Variants in ANGPTL5 observed in about 807,000 individuals in gnomAD.
ANGPTL5 encodes angiopoietin-related protein 5.
In ANGPTL5, 34 loss-of-function variants were observed where a neutral mutation model predicts 39.4. The ratio of observed to expected loss-of-function variants is 0.86; its 90% confidence interval spans 0.66 to 1.15. ANGPTL5 has a LOEUF of 1.15. Ranked by LOEUF, ANGPTL5 falls within the 50% of genes most tolerant of loss-of-function variation. The probability of loss-of-function intolerance (pLI) is 0.00; values close to 1 mark genes in which losing one functional copy is unlikely to be tolerated. For missense variants in ANGPTL5, 467 were observed against 457.5 expected, an observed-to-expected ratio of 1.02 and a Z score of -0.19; for synonymous variants, 146 against 152.1, an observed-to-expected ratio of 0.96 and a Z score of 0.29.
chr11:101,912,311 C>T (rs1940103920), intron 1 of ANGPTL5, among the ~76,000 whole-genome samples: 1 of 152,204 alleles, frequency 6.6e-6, no homozygotes, highest in South Asian at 2.1e-4. Context: ...GGGTAACATT[C>T]TTCTTTACTG....
intron 2 of ANGPTL5, 129 bp downstream of exon 2, chr11:101,907,684 TC>T: frequency 1.5e-6 from 1 of 681,172 alleles, no homozygotes; most frequent in Non-Finnish European, 2.5e-6. Context: ...TTTCAACATT[TC>T]TAAATACATG....
intron 6 of ANGPTL5, among the ~76,000 whole-genome samples, chr11:101,901,015 CTTTT>C (rs34425298): frequency 1.1e-4 from 11 of 98,658 alleles, no homozygotes; most frequent in East Asian, 3.0e-4. Context: ...GCACCCCCGG[CTTTT>C]TTTTTTTTTT....
At chr11:101,894,795 C>A in intron 8 of ANGPTL5, 84 bp downstream of exon 8, 1 of 1,283,820 alleles carries the variant, frequency 7.8e-7, no homozygotes, top group Admixed American at 1.8e-5. Context: ...TATACAAAGA[C>A]AAATGCATTA....
At chr11:101,900,132 C>T (rs988632011) in intron 7 of ANGPTL5, among the ~76,000 whole-genome samples, 2 of 152,070 alleles carry the variant, frequency 1.3e-5, no homozygotes, top group South Asian at 2.1e-4. Flanking sequence ...TTCTGCAAAC[C>T]GTTGGTGAGC....
At chr11:101,894,799 T>G in intron 8 of ANGPTL5, 80 bp downstream of exon 8, 1 of 1,288,404 alleles carries the variant, frequency 7.8e-7, no homozygotes, top group Non-Finnish European at 1.1e-6. Context: ...CAAAGACAAA[T>G]GCATTATTTT....
At chr11:101,914,070 C>G (rs568666809) in intron 1 of ANGPTL5, among the ~76,000 whole-genome samples, 1 of 152,290 alleles carries the variant, frequency 6.6e-6, no homozygotes, top group Non-Finnish European at 1.5e-5. Flanking sequence ...ACCAAGTTTG[C>G]AAAGATTGTT....
chr11:101,911,095 T>C (rs1940084513), intron 1 of ANGPTL5, among the ~76,000 whole-genome samples: 1 of 4,718 alleles, frequency 2.1e-4, no homozygotes, highest in Non-Finnish European at 7.5e-4. Context: ...TACCCAAATC[T>C]TTTTTTTTTT....
intron 7 of ANGPTL5, among the ~76,000 whole-genome samples, chr11:101,899,517 G>T (rs923720119): frequency 6.6e-6 from 1 of 152,238 alleles, no homozygotes; most frequent in African/African-American, 2.4e-5. Flanking sequence ...TAAATTTGAA[G>T]TAAGGAAGAT....
intron 3 of ANGPTL5, among the ~76,000 whole-genome samples, 160 bp from the exon 4 acceptor site, chr11:101,906,007 TTTTG>T (rs1939992397): frequency 1.3e-5 from 2 of 152,284 alleles, no homozygotes; most frequent in African/African-American, 4.8e-5. Flanking sequence ...TTAGTATATC[TTTTG>T]TTTAACTCAG....
chr11:101,894,633 G>A (rs1402484469), intron 8 of ANGPTL5, among the ~76,000 whole-genome samples: 1 of 152,138 alleles, frequency 6.6e-6, no homozygotes, highest in East Asian at 1.9e-4. Flanking sequence ...TCTATCCAAA[G>A]AATCAACTGA....
At chr11:101,898,179 C>T (rs1300656854) in intron 7 of ANGPTL5, among the ~76,000 whole-genome samples, 4 of 152,050 alleles carry the variant, frequency 2.6e-5, no homozygotes, top group Non-Finnish European at 5.9e-5. Flanking sequence ...GCCAAGATCA[C>T]GCCATTGCTC....
At chr11:101,892,870 A>T (rs886565232) in intron 8 of ANGPTL5, among the ~76,000 whole-genome samples, 1 of 152,224 alleles carries the variant, frequency 6.6e-6, no homozygotes, top group Non-Finnish European at 1.5e-5. Flanking sequence ...GTGGTGGCCT[A>T]TCCTATACCC....
chr11:101,896,570 T>C (rs371889383), intron 7 of ANGPTL5, among the ~76,000 whole-genome samples: 1 of 152,174 alleles, frequency 6.6e-6, no homozygotes, highest in Non-Finnish European at 1.5e-5. Context: ...TGTGTTCTCA[T>C]TGTTCAACTC....
intron 5 of ANGPTL5, among the ~76,000 whole-genome samples, 172 bp downstream of exon 5, chr11:101,904,642 G>C (rs1382980888): frequency 6.6e-6 from 1 of 152,188 alleles, no homozygotes; most frequent in East Asian, 1.9e-4. Flanking sequence ...TTTTAAGAAA[G>C]TACACGTTGT....
Position 101,915,395 on chromosome 11 carries a change from C to G in ANGPTL5, c.-93+624G>C, listed in dbSNP as rs536297070. ...GCCCTCGGGAGAGCGGCGGGCATCA[C>G]CGACCTGGCTCTTACCTGTATCCTT... On this transcript the variant is annotated intron_variant, in intron 1 of 8. Coordinates refer to ENST00000334289, the MANE Select transcript of ANGPTL5 (RefSeq NM_178127.5). The G allele has an allele frequency of 1.5e-4, 240 of 1,613,338 alleles. 6 individuals carry two copies. In the South Asian group the frequency reaches 2.4e-3, roughly 16 times the overall value.
chr11:101,913,064 G>A lies in ANGPTL5; in HGVS notation c.-93+2955C>T, dbSNP rs115466672. On this transcript the variant is annotated intron_variant, in intron 1 of 8. Coordinates refer to ENST00000334289, the MANE Select transcript of ANGPTL5 (RefSeq NM_178127.5). ...TGAGATAAGCAATAGTAAAACAATC[G>A]TAGCTCACCACCAGACACTGACTAA... Among the ~76,000 whole-genome samples the A allele has an allele frequency of 1.6e-3, 236 of 152,190 alleles. 5 individuals are homozygous for A. Among genetic ancestry groups the A allele is most frequent in the African/African-American group, 5.6e-3 (231 of 41,520 alleles).
chr11:101,892,090 C>A (rs1197991260), intron 8 of ANGPTL5, among the ~76,000 whole-genome samples: 2 of 152,084 alleles, frequency 1.3e-5, no homozygotes, highest in African/African-American at 4.8e-5. Flanking sequence ...TACAGAATAC[C>A]AAATGCCCTC....
chr11:101,905,939 T>C, intron 3 of ANGPTL5, 92 bp from the exon 4 acceptor site: 12 of 742,852 alleles, frequency 1.6e-5, no homozygotes, highest in Non-Finnish European at 2.8e-5. Context: ...ATTTTGGATA[T>C]GTATGTTAAC....
At chr11:101,900,290 A>G (rs1939870219) in intron 7 of ANGPTL5, 140 bp downstream of exon 7, 4 of 812,136 alleles carry the variant, frequency 4.9e-6, no homozygotes, top group Non-Finnish European at 7.7e-6. Flanking sequence ...AATCTGGCAT[A>G]TGAAAAGAGG....
Sources: allele counts gnomAD v4.1 joint callset (sites outside exome capture counted in the v4.1 genomes callset), GRCh38; gene constraint gnomAD v4.1.1; transcripts MANE v1.5; gene names NCBI Gene and HGNC (gene_info 2026-07-23, HGNC 2026-07-21).